The following STRA8 variants were observed in gnomAD, a reference collection of about 807,000 sequenced individuals.
The protein encoded by STRA8 is stimulated by retinoic acid gene 8 protein homolog.
STRA8 carries 18 observed loss-of-function variants against 37.1 expected under a neutral mutation model. The observed-to-expected ratio is 0.48, with a 90% CI of 0.34 to 0.72. The LOEUF is 0.72. Ranked by LOEUF, STRA8 falls within the 30% of genes least tolerant of loss-of-function variation. STRA8 has a pLI of 0.01. For missense variants in STRA8, 357 were observed against 410.4 expected, an observed-to-expected ratio of 0.87 and a Z score of 1.13; for synonymous variants, 168 against 162.9, an observed-to-expected ratio of 1.03 and a Z score of -0.24.
chr7:135,246,110 C>T lies in STRA8; in HGVS notation c.594-307C>T. ...TGGGCTCAGAATTTTCAAGAATATT[C>T]CCTTAGGATGAGAGCTGAGGCAGCT... On this transcript the variant is annotated intron_variant, in intron 5 of 8. Coordinates refer to ENST00000662584, the MANE Select transcript of STRA8 (RefSeq NM_001394401.1). This position sits in a 1 kb window ranked among gnomAD's most constrained non-coding sequence, Gnocchi z 5.4. 1 of 418,698 alleles carries T rather than the reference C, an allele frequency of 2.4e-6. No individual in the cohort carries two copies. Among genetic ancestry groups the T allele is most frequent in the Non-Finnish European group, 4.3e-6 (1 of 230,288 alleles). 25.9% of individuals were successfully genotyped at this position (418,698 alleles called of 1,614,324 possible). A position where few individuals can be genotyped will look rare whatever the true frequency, so the allele number is the denominator to read the frequency against.
intron 7 of STRA8, 122 bp from the exon 8 acceptor site, chr7:135,254,992 T>C (rs1212738392): frequency 1.3e-6 from 1 of 760,542 alleles, no homozygotes; most frequent in Non-Finnish European, 2.3e-6. Flanking sequence ...AGGTCTGGGC[T>C]GTCTGAGAAT....
At chr7:135,251,593 C>T (rs938345063) in intron 6 of STRA8, among the ~76,000 whole-genome samples, 5 of 152,154 alleles carry the variant, frequency 3.3e-5, no homozygotes, top group Non-Finnish European at 7.4e-5. Context: ...GGCAGTTTGT[C>T]CTGGGCACTC....
intron 8 of STRA8, among the ~76,000 whole-genome samples, 172 bp from the exon 9 acceptor site, chr7:135,258,245 TC>T (rs72066471): frequency 0.38 from 57,970 of 151,856 alleles, 12,788 homozygotes; most frequent in African/African-American, 0.62. Context: ...AATGGGACCT[TC>T]CCCCCTTAGA....
At chr7:135,253,403 A>G (rs1832663037) in intron 7 of STRA8, among the ~76,000 whole-genome samples, 1 of 152,168 alleles carries the variant, frequency 6.6e-6, no homozygotes, top group Non-Finnish European at 1.5e-5. Flanking sequence ...CACCCAGGGC[A>G]GCTTGCGGGC....
intron 1 of STRA8, among the ~76,000 whole-genome samples, chr7:135,238,738 AGGTTCTCATTTTCC>A (rs1248668806): frequency 6.6e-6 from 1 of 152,272 alleles, no homozygotes; most frequent in East Asian, 1.9e-4. Context: ...TCTGTTCAAA[AGGTTCTCATTTTCC>A]CTGGGCAGTT....
At chr7:135,231,940 G>GC, upstream of STRA8, 1 of 1,593,666 alleles carries the variant, frequency 6.3e-7, no homozygotes. Flanking sequence ...CCACCAGGAG[G>GC]CCCCCAGTGT....
At chr7:135,242,903 C>T (rs1219011830) in intron 3 of STRA8, 47 bp downstream of exon 3, 2 of 1,582,694 alleles carry the variant, frequency 1.3e-6, no homozygotes, top group African/African-American at 2.7e-5. Context: ...CTGGAGAAAA[C>T]TGGATCTGTT....
intron 1 of STRA8, among the ~76,000 whole-genome samples, chr7:135,235,207 G>C (rs1486840624): frequency 1.3e-5 from 2 of 152,146 alleles, no homozygotes; most frequent in Non-Finnish European, 2.9e-5. Context: ...ATATGTTAGA[G>C]CTATGGCCAT....
intron 6 of STRA8, among the ~76,000 whole-genome samples, chr7:135,248,466 G>A (rs1359412301): frequency 6.6e-6 from 1 of 152,190 alleles, no homozygotes; most frequent in East Asian, 1.9e-4. Flanking sequence ...CACTTGGGGA[G>A]GCCGAGCAAG....
At chr7:135,233,547 A>T (rs1832322751), upstream of STRA8, among the ~76,000 whole-genome samples, 1 of 152,116 alleles carries the variant, frequency 6.6e-6, no homozygotes, top group South Asian at 2.1e-4. Context: ...CTGAGGACAC[A>T]TGAAGGCTGT....
At chr7:135,257,495 G>A (rs1485375568) in intron 8 of STRA8, among the ~76,000 whole-genome samples, 2 of 151,686 alleles carry the variant, frequency 1.3e-5, no homozygotes, top group Non-Finnish European at 2.9e-5. Flanking sequence ...TGTGATCTTG[G>A]ATCACTGCAA....
At chr7:135,232,004 T>C (rs762330819), upstream of STRA8, 23 of 1,613,804 alleles carry the variant, frequency 1.4e-5, no homozygotes, top group Non-Finnish European at 1.6e-5. Flanking sequence ...GTGGACAAGA[T>C]CCTCTTTTTC....
chr7:135,252,896 G>C (rs1407090769), intron 7 of STRA8, among the ~76,000 whole-genome samples: 1 of 152,108 alleles, frequency 6.6e-6, no homozygotes, highest in Non-Finnish European at 1.5e-5. Flanking sequence ...TTCACATGGT[G>C]TAGGGGCAAG....
chr7:135,243,389 G>T lies in STRA8; in HGVS notation c.332G>T (p.Ser111Ile), dbSNP rs2117798905. 2 of 1,614,094 alleles carry T rather than the reference G, an allele frequency of 1.2e-6. No individual in the cohort carries two copies. The highest frequency in any genetic ancestry group is 4.5e-5 in the East Asian group (2 of 44,890). The change falls in exon 4 of 9, where the codon AGC (serine) becomes ATC (isoleucine). Residue 111 changes from serine (S) to isoleucine (I), a missense_variant. Transcript: ENST00000662584. Reference sequence around the variant, plus strand: ...GAGGAGGTCAAGAAAGAATATGCCAGCATGTATTCTGGAAATGACAGGTAA... The same window carrying T: ...GAGGAGGTCAAGAAAGAATATGCCATCATGTATTCTGGAAATGACAGGTAA... The part of the protein sequence containing the change: ...SLEEVKKEYA[S>I]MYSGNDSLLS...
Position 135,253,446 on chromosome 7 carries a change from G to A in STRA8, c.953+1577G>A, listed in dbSNP as rs115401598. Among the ~76,000 whole-genome samples the A allele has an allele frequency of 2.0e-3, 297 of 152,244 alleles. 2 individuals are homozygous for A. The highest frequency in any genetic ancestry group is 3.3e-3 in the Non-Finnish European group (224 of 68,006). ...CCCAGCTGACCTGGAAGGAGAAGGC[G>A]GGGAGGGGGCTCTGGGGCACAGAGA... On this transcript the variant is annotated intron_variant, in intron 7 of 8. Coordinates refer to ENST00000662584, the MANE Select transcript of STRA8 (RefSeq NM_001394401.1).
At chr7:135,242,931 A>C (rs536685918) in intron 3 of STRA8, 75 bp downstream of exon 3, 1 of 1,480,724 alleles carries the variant, frequency 6.8e-7, no homozygotes, top group African/African-American at 1.4e-5. Flanking sequence ...TGAAAACAGA[A>C]GTTGGGTTAC....
At chr7:135,244,179 C>T (rs1170194082) in intron 4 of STRA8, among the ~76,000 whole-genome samples, 1 of 152,250 alleles carries the variant, frequency 6.6e-6, no homozygotes, top group Non-Finnish European at 1.5e-5. Context: ...CTGCCTCAGA[C>T]TCCCAAGTAG....
chr7:135,256,624 G>A (rs1028896349), intron 8 of STRA8, among the ~76,000 whole-genome samples: 6 of 152,154 alleles, frequency 3.9e-5, no homozygotes, highest in African/African-American at 1.4e-4. Context: ...GGACAACATG[G>A]CAGAGCCTCA....
intron 8 of STRA8, among the ~76,000 whole-genome samples, chr7:135,255,553 C>G (rs1158180944): frequency 7.9e-5 from 12 of 152,218 alleles, no homozygotes; most frequent in Non-Finnish European, 1.8e-4. Flanking sequence ...AGCATGACAG[C>G]CTGAGCTTTG....
Sources: gnomAD v4.1 joint callset for allele counts (sites outside exome capture counted in the v4.1 genomes callset) on GRCh38, gnomAD v4.1.1 for gene constraint, Gnocchi (gnomAD v3.1) non-coding constraint, MANE v1.5 for transcripts, NCBI Gene and HGNC (gene_info 2026-07-23, HGNC 2026-07-21) for gene names.